The following RGS6 variants were observed in gnomAD, a reference collection of about 807,000 sequenced individuals.
RGS6 encodes regulator of G-protein signaling 6.
In RGS6, 30 loss-of-function variants were observed where a neutral mutation model predicts 78.5. The ratio of observed to expected loss-of-function variants is 0.38; its 90% confidence interval spans 0.29 to 0.52. The LOEUF is 0.52. Ranked by LOEUF, RGS6 falls within the 20% of genes least tolerant of loss-of-function variation. RGS6 has a pLI of 0.85. For missense variants in RGS6, 495 were observed against 609.7 expected (o/e 0.81, Z 1.98); for synonymous variants, 206 against 206.0 (o/e 1.00, Z 0.00).
At position 72,518,495 on chromosome 14, in the gene RGS6, A is replaced by G; in HGVS notation, c.1236A>G (p.Gln412=). The part of the protein sequence containing the change: ...LDSHSYEITS[Q]NVKDGGRYTF... ...CTCACAGCTATGAGATAACCAGTCAAAATGTCAAAGATGGAGGGAGATATA... is the reference window on the plus strand; with the variant it reads ...CTCACAGCTATGAGATAACCAGTCAGAATGTCAAAGATGGAGGGAGATATA... The change falls in exon 15 of 18, where the codon CAA becomes CAG. Residue 412 remains glutamine, a synonymous_variant. Transcript: ENST00000553525. The G allele has an allele frequency of 6.2e-7, 1 of 1,614,240 alleles. No homozygotes were observed. Among genetic ancestry groups the G allele is most frequent in the South Asian group, 1.1e-5 (1 of 91,078 alleles).
intron 3 of RGS6, among the ~76,000 whole-genome samples, chr14:72,383,141 C>T (rs4903014): frequency 0.041 from 5,257 of 127,720 alleles, 136 homozygotes; most frequent in Non-Finnish European, 0.059. Flanking sequence ...GTTATATAAA[C>T]ATATATACTA....
At chr14:72,188,231 C>A (rs1237268635) in intron 2 of RGS6, among the ~76,000 whole-genome samples, 1 of 152,116 alleles carries the variant, frequency 6.6e-6, no homozygotes, top group African/African-American at 2.4e-5. Context: ...AATAAACAGT[C>A]TTTAAGTAGA....
intron 2 of RGS6, among the ~76,000 whole-genome samples, chr14:72,048,949 T>A (rs1420269285): frequency 6.6e-6 from 1 of 152,210 alleles, no homozygotes; most frequent in Admixed American, 6.5e-5. Flanking sequence ...ATGTTGCCTA[T>A]TCATATTAAG....
At chr14:72,216,523 T>G (rs7141299) in intron 2 of RGS6, among the ~76,000 whole-genome samples, 70,815 of 151,996 alleles carry the variant, frequency 0.47, 16,870 homozygotes, top group Middle Eastern at 0.6. Context: ...CTAGGCCCTT[T>G]AAATGTGAAA....
intron 2 of RGS6, among the ~76,000 whole-genome samples, chr14:72,019,384 T>TG (rs1157204806): frequency 6.6e-6 from 1 of 152,252 alleles, no homozygotes; most frequent in Non-Finnish European, 1.5e-5. Context: ...ATAATGATCA[T>TG]GCTTGTCTGT....
intron 3 of RGS6, among the ~76,000 whole-genome samples, chr14:72,400,576 T>C (rs1596869326): frequency 6.6e-6 from 1 of 152,334 alleles, no homozygotes; most frequent in African/African-American, 2.4e-5. Flanking sequence ...TGCATTTTAA[T>C]AGAAAGAAAA....
chr14:72,393,746 C>G (rs935039190), intron 3 of RGS6, among the ~76,000 whole-genome samples: 2 of 152,190 alleles, frequency 1.3e-5, no homozygotes, highest in African/African-American at 4.8e-5. Context: ...CGCCTACAGC[C>G]TTAACACCTC....
rs1051445538 is a variant in RGS6, at chr14:72,565,536, C to T, written c.*3069C>T. The T allele has an allele frequency of 6.6e-6, 1 of 152,180 alleles. No homozygotes were observed. The highest frequency in any genetic ancestry group is 1.9e-4 in the East Asian group (1 of 5,180). 9.4% of individuals were successfully genotyped at this position (152,180 alleles called of 1,614,324 possible). ...CTATACCCCAGGAACAAAGCAGGGC[C>T]CAACTGCCAGTGCAGTCAGCTGGGC... On this transcript the variant is annotated 3_prime_UTR_variant, in exon 18 of 18. Coordinates refer to ENST00000553525, the MANE Select transcript of RGS6 (RefSeq NM_001204424.2).
intron 6 of RGS6, among the ~76,000 whole-genome samples, chr14:72,461,793 G>T (rs1484625389): frequency 6.6e-6 from 1 of 152,162 alleles, no homozygotes; most frequent in Admixed American, 6.5e-5. Context: ...TGAGCCCCCA[G>T]GATCAACCCG....
chr14:72,141,892 T>TAAA (rs201568114), intron 2 of RGS6, among the ~76,000 whole-genome samples: 2 of 145,720 alleles, frequency 1.4e-5, no homozygotes, highest in Non-Finnish European at 3.0e-5. Flanking sequence ...CATTTTACAT[T>TAAA]AAAAAAAAAA....
At chr14:72,503,629 A>G (rs1250649179) in intron 13 of RGS6, among the ~76,000 whole-genome samples, 1 of 152,226 alleles carries the variant, frequency 6.6e-6, no homozygotes, top group Non-Finnish European at 1.5e-5. Flanking sequence ...GGTTCCAAGT[A>G]AGTCCAAAAT....
chr14:72,482,504 A>G (rs1467979792), intron 12 of RGS6, among the ~76,000 whole-genome samples: 2 of 152,282 alleles, frequency 1.3e-5, no homozygotes, highest in South Asian at 2.1e-4. Context: ...TCACATGTCT[A>G]TGTGCCACCT....
At chr14:72,056,491 C>A (rs1032333436) in intron 2 of RGS6, among the ~76,000 whole-genome samples, 1 of 152,164 alleles carries the variant, frequency 6.6e-6, no homozygotes, top group African/African-American at 2.4e-5. Context: ...GAGAGAATTT[C>A]TTATTAAAAA....
chr14:72,435,057 G>A (rs1040980649), intron 3 of RGS6, among the ~76,000 whole-genome samples: 26 of 152,232 alleles, frequency 1.7e-4, no homozygotes, highest in African/African-American at 6.3e-4. Flanking sequence ...TTCACAGCTG[G>A]GCTTGCAAAT....
intron 6 of RGS6, among the ~76,000 whole-genome samples, chr14:72,462,819 G>A (rs186138389): frequency 6.6e-6 from 1 of 152,148 alleles, no homozygotes. Context: ...TGAGGGGCCT[G>A]TACTTGATGG....
At position 72,078,561 on chromosome 14, in the gene RGS6, C is replaced by T. The variant is rs1392772037; in HGVS notation, c.84+113686C>T. Among the ~76,000 whole-genome samples the T allele has an allele frequency of 2.6e-5, 4 of 152,100 alleles. No homozygotes were observed. In the East Asian group the frequency reaches 5.8e-4, roughly 22 times the overall value. ...CCCAAGTAGCTGGGATTACAGGCGC[C>T]CGTCACCACGCCTAGCTAATTTTTG... On this transcript the variant is annotated intron_variant, in intron 2 of 17. Transcript: ENST00000553525.
intron 3 of RGS6, among the ~76,000 whole-genome samples, chr14:72,453,485 A>G (rs9323568): frequency 0.66 from 94,117 of 142,970 alleles, 31,351 homozygotes; most frequent in East Asian, 0.97. Context: ...GCGTAGTGGC[A>G]GGCGCCTGTA....
intron 3 of RGS6, among the ~76,000 whole-genome samples, chr14:72,374,804 G>T (rs889691179): frequency 3.3e-5 from 5 of 152,132 alleles, no homozygotes; most frequent in Non-Finnish European, 7.3e-5. Context: ...GGTCAAAGCT[G>T]GTAACTATCT....
downstream of RGS6, among the ~76,000 whole-genome samples, chr14:72,570,288 T>C (rs2097718807): frequency 6.6e-6 from 1 of 152,190 alleles, no homozygotes; most frequent in Non-Finnish European, 1.5e-5. Flanking sequence ...TACACCATTT[T>C]ATAAAAGGGA....
Sources: gnomAD v4.1 joint callset for allele counts (sites outside exome capture counted in the v4.1 genomes callset) on GRCh38, gnomAD v4.1.1 for gene constraint, MANE v1.5 for transcripts, NCBI Gene and HGNC (gene_info 2026-07-23, HGNC 2026-07-21) for gene names.